TNFRSF21: variants seen among roughly 807,000 people sequenced by gnomAD.
The protein encoded by TNFRSF21 is TNF receptor superfamily member 21, also known as tumor necrosis factor receptor superfamily member 21.
A neutral mutation model predicts 45.6 loss-of-function variants in TNFRSF21; 19 were observed. That is an observed-to-expected ratio of 0.42 (90% CI 0.29 to 0.61). The LOEUF (loss-of-function observed/expected upper bound fraction) is 0.61. TNFRSF21 is among the 20% of genes least tolerant of loss of function. The probability of loss-of-function intolerance (pLI) is 0.23; values close to 1 mark genes in which losing one functional copy is unlikely to be tolerated. For synonymous variants in TNFRSF21, 314 were observed against 335.5 expected, an observed-to-expected ratio of 0.94 and a Z score of 0.70; for missense variants, 737 against 851.5, an observed-to-expected ratio of 0.87 and a Z score of 1.67.
chr6:47,299,945 G>A lies in TNFRSF21; in HGVS notation c.96+9471C>T, dbSNP rs370840281. On this transcript the variant is annotated intron_variant, in intron 1 of 5. Transcript: ENST00000296861. Reference sequence around the variant, plus strand: ...ATAAAACTGTTCATTTATTTCCTTTGACCCAGCAATTCCACTTTGAGGAAC... The same window carrying A: ...ATAAAACTGTTCATTTATTTCCTTTAACCCAGCAATTCCACTTTGAGGAAC... 1.2e-4 allele frequency among the ~76,000 whole-genome samples: 19 copies of A among 152,246 alleles called. 1 individual carries two copies. In the South Asian group the frequency reaches 3.1e-3, roughly 25 times the overall value.
intron 4 of TNFRSF21, among the ~76,000 whole-genome samples, chr6:47,253,025 GAGCATC>G (rs1323481614): frequency 1.1e-4 from 16 of 151,780 alleles, no homozygotes; most frequent in African/African-American, 3.9e-4. Flanking sequence ...GGTAGGGTCT[GAGCATC>G]AGTATTTTTT....
intron 3 of TNFRSF21, among the ~76,000 whole-genome samples, chr6:47,262,257 T>C (rs1253272012): frequency 6.6e-6 from 1 of 152,224 alleles, no homozygotes; most frequent in African/African-American, 2.4e-5. Context: ...GAAATATCAC[T>C]GATACTGTGA....
chr6:47,262,010 TAGA>T (rs1765079814), intron 3 of TNFRSF21, among the ~76,000 whole-genome samples: 1 of 152,246 alleles, frequency 6.6e-6, no homozygotes, highest in African/African-American at 2.4e-5. Context: ...GTGTAAAAGT[TAGA>T]AGATCTGTTT....
At chr6:47,302,552 G>A (rs546588198) in intron 1 of TNFRSF21, among the ~76,000 whole-genome samples, 8 of 152,184 alleles carry the variant, frequency 5.3e-5, no homozygotes, top group South Asian at 4.2e-4. Flanking sequence ...ACCCTTGCCC[G>A]TCAGAGTCAC....
intron 3 of TNFRSF21, among the ~76,000 whole-genome samples, chr6:47,273,498 G>GAGATACAA (rs1762456426): frequency 1.3e-5 from 2 of 152,162 alleles, no homozygotes; most frequent in African/African-American, 4.8e-5. Context: ...ACTAGGTATT[G>GAGATACAA]ATGGAATGTA....
At chr6:47,303,185 CAGAT>C (rs1762895120) in intron 1 of TNFRSF21, among the ~76,000 whole-genome samples, 1 of 152,184 alleles carries the variant, frequency 6.6e-6, no homozygotes, top group Non-Finnish European at 1.5e-5. Flanking sequence ...TTTCCCAAAA[CAGAT>C]AGATTTGCAA....
intron 2 of TNFRSF21, 25 bp downstream of exon 2, chr6:47,285,919 T>C (rs767406817): frequency 6.2e-7 from 1 of 1,606,592 alleles, no homozygotes; most frequent in South Asian, 1.1e-5. Context: ...CTTCCTCAAA[T>C]AAATAATTCA....
chr6:47,264,732 A>C (rs1264893992), intron 3 of TNFRSF21, among the ~76,000 whole-genome samples: 1 of 152,168 alleles, frequency 6.6e-6, no homozygotes, highest in African/African-American at 2.4e-5. Flanking sequence ...AAACACCCTA[A>C]GAGGTTAAAG....
chr6:47,288,601 T>C (rs1762680130), intron 1 of TNFRSF21, among the ~76,000 whole-genome samples: 1 of 151,720 alleles, frequency 6.6e-6, no homozygotes, highest in Non-Finnish European at 1.5e-5. Flanking sequence ...AGAAAATAAC[T>C]TGCTGAATAG....
chr6:47,281,680 C>T (rs1762569749), intron 3 of TNFRSF21, among the ~76,000 whole-genome samples: 1 of 151,818 alleles, frequency 6.6e-6, no homozygotes, highest in African/African-American at 2.4e-5. Context: ...CACGCCTGGG[C>T]CAATAGGTGT....
At chr6:47,268,582 T>C (rs1046701471) in intron 3 of TNFRSF21, among the ~76,000 whole-genome samples, 1 of 151,994 alleles carries the variant, frequency 6.6e-6, no homozygotes, top group Non-Finnish European at 1.5e-5. Flanking sequence ...TTCTTTAAGT[T>C]GCTTTCACCT....
At chr6:47,264,650 GAT>G (rs1281942506) in intron 3 of TNFRSF21, among the ~76,000 whole-genome samples, 2 of 152,204 alleles carry the variant, frequency 1.3e-5, no homozygotes, top group Admixed American at 6.5e-5. Flanking sequence ...TTGTGCATGA[GAT>G]AATGCTTTTT....
intron 5 of TNFRSF21, among the ~76,000 whole-genome samples, chr6:47,234,273 G>A (rs992858933): frequency 3.9e-5 from 6 of 152,156 alleles, no homozygotes; most frequent in African/African-American, 1.2e-4. Context: ...TGCTGCGCAC[G>A]GCCTAAAACC....
Position 47,267,307 on chromosome 6 carries a change from C to A in TNFRSF21, c.1244-13786G>T, listed in dbSNP as rs148199802. Among the ~76,000 whole-genome samples, 510 of 152,118 alleles carry A rather than the reference C, an allele frequency of 3.4e-3. 2 individuals carry two copies. Among genetic ancestry groups the A allele is most frequent in the African/African-American group, 0.011 (475 of 41,492 alleles). ...TAGAGACGGGGTTTCACCATGTTGG[C>A]CAGGCTGGTCTCGAACTCCTGACCT... is the stretch of plus-strand genomic sequence containing the variant. On this transcript the variant is annotated intron_variant, in intron 3 of 5. Transcript: ENST00000296861.
intron 3 of TNFRSF21, among the ~76,000 whole-genome samples, chr6:47,281,431 A>G (rs572567638): frequency 6.6e-6 from 1 of 151,152 alleles, no homozygotes; most frequent in South Asian, 2.1e-4. Context: ...CCCAGGCCGG[A>G]GTGCAGCGGC....
intron 1 of TNFRSF21, among the ~76,000 whole-genome samples, chr6:47,306,908 C>A (rs374242458): frequency 4.6e-5 from 7 of 152,184 alleles, no homozygotes; most frequent in African/African-American, 1.7e-4. Context: ...GTTCTGAGTA[C>A]CCTGCCACGT....
chr6:47,274,783 A>C (rs956100531), intron 3 of TNFRSF21, among the ~76,000 whole-genome samples: 2 of 152,192 alleles, frequency 1.3e-5, no homozygotes, highest in African/African-American at 4.8e-5. Context: ...AACTGAAACA[A>C]ATTTACAAGA....
At position 47,237,262 on chromosome 6, in the gene TNFRSF21, T is replaced by C. The variant is rs192718171; in HGVS notation, c.1510-2364A>G. Reference sequence around the variant, plus strand: ...CGTAGCTGGTTGCATTTTGACTTCATCTAAAGTTGTTTTCACTTTTTCCCA... The same window carrying C: ...CGTAGCTGGTTGCATTTTGACTTCACCTAAAGTTGTTTTCACTTTTTCCCA... On this transcript the variant is annotated intron_variant, in intron 4 of 5. Coordinates refer to ENST00000296861, the MANE Select transcript of TNFRSF21 (RefSeq NM_014452.5). Among the ~76,000 whole-genome samples the C allele has an allele frequency of 2.7e-3, 414 of 152,256 alleles. 6 individuals are homozygous for C. Among genetic ancestry groups the C allele is most frequent in the African/African-American group, 9.8e-3 (407 of 41,546 alleles).
intron 3 of TNFRSF21, among the ~76,000 whole-genome samples, chr6:47,270,275 C>A (rs139919659): frequency 2.4e-4 from 37 of 152,120 alleles, no homozygotes; most frequent in African/African-American, 8.7e-4. Context: ...CTGCCCCTCC[C>A]GGATGAAGCT....
Sources: gnomAD v4.1 joint callset for allele counts (sites outside exome capture counted in the v4.1 genomes callset) on GRCh38, gnomAD v4.1.1 for gene constraint, MANE v1.5 for transcripts, NCBI Gene and HGNC (gene_info 2026-07-23, HGNC 2026-07-21) for gene names.